Variants in RHOH observed in about 807,000 individuals in gnomAD.
RHOH encodes the protein ras homolog family member H, also known as rho-related GTP-binding protein RhoH.
A neutral mutation model predicts 13.8 loss-of-function variants in RHOH; 6 were observed. The observed-to-expected ratio is 0.44, with a 90% CI of 0.24 to 0.86. RHOH has a LOEUF of 0.86. Among genes scored for constraint, RHOH ranks in the 40% least tolerant of loss-of-function variants. The probability of loss-of-function intolerance (pLI) is 0.24; values close to 1 mark genes in which losing one functional copy is unlikely to be tolerated. For missense variants in RHOH, 147 were observed against 244.5 expected (o/e 0.60, Z 2.66); for synonymous variants, 117 against 103.0 (o/e 1.14, Z -0.82).
chr4:40,238,664 AC>A (rs1232669188), intron 1 of RHOH, among the ~76,000 whole-genome samples: 1 of 151,916 alleles, frequency 6.6e-6, no homozygotes, highest in Non-Finnish European at 1.5e-5. Flanking sequence ...AATTATGGAG[AC>A]CCCGGAGGCT....
chr4:40,230,287 C>T lies in RHOH; in HGVS notation c.-330-12427C>T, dbSNP rs558198142. Reference sequence around the variant, plus strand: ...TTCCTGACCTCAAGTGATCCACCTGCCTTGGCCTCCCAGAGTGTGTGAATA... The same window carrying T: ...TTCCTGACCTCAAGTGATCCACCTGTCTTGGCCTCCCAGAGTGTGTGAATA... On this transcript the variant is annotated intron_variant, in intron 1 of 2. Coordinates refer to ENST00000381799, the MANE Select transcript of RHOH (RefSeq NM_004310.5). Among the ~76,000 whole-genome samples, 695 of 74,214 alleles carry T rather than the reference C, an allele frequency of 9.4e-3. 7 individuals are homozygous for T. The highest frequency in any genetic ancestry group is 0.015 in the Non-Finnish European group (481 of 31,040). The allele number at this position is 74,214 out of a possible 152,430, so 48.7% of individuals were successfully genotyped here.
Position 40,244,151 on chromosome 4 carries a change from C to T in RHOH, c.*189C>T, listed in dbSNP as rs1729601118. The T allele has an allele frequency of 4.1e-6, 2 of 491,104 alleles. No individual in the cohort carries two copies. The highest frequency in any genetic ancestry group is 9.7e-5 in the South Asian group (2 of 20,566). The allele number at this position is 491,104 out of a possible 1,614,324, so 30.4% of individuals were successfully genotyped here. A position where few individuals can be genotyped will look rare whatever the true frequency, so the allele number is the denominator to read the frequency against. ...ACTAACTACACTCTACAAGTGAACT[C>T]CTTGCCCAGGCCAGTTAGAAAATCC... On this transcript the variant is annotated 3_prime_UTR_variant, in exon 3 of 3. Transcript: ENST00000381799.
At position 40,223,358 on chromosome 4, in the gene RHOH, A is replaced by C. The variant is rs146431162; in HGVS notation, c.-330-19356A>C. The stretch of plus-strand genomic sequence containing the variant: ...CTTCATTGTTGTCTTATTTTAAGAA[A>C]TAGCCACAGCCACTCCAACCTGCAG... On this transcript the variant is annotated intron_variant, in intron 1 of 2. Transcript: ENST00000381799. 5.9e-3 allele frequency among the ~76,000 whole-genome samples: 901 copies of C among 152,292 alleles called. 12 individuals carry two copies. The highest frequency in any genetic ancestry group is 0.02 in the African/African-American group (843 of 41,548).
intron 1 of RHOH, among the ~76,000 whole-genome samples, chr4:40,199,175 C>T (rs907168558): frequency 2.6e-5 from 4 of 151,976 alleles, no homozygotes; most frequent in African/African-American, 4.8e-5. Flanking sequence ...AGAGGGTTGT[C>T]GTAGAGATCA....
At chr4:40,200,697 G>C (rs1723856336) in intron 1 of RHOH, 1 of 152,166 alleles carries the variant, frequency 6.6e-6, no homozygotes, top group African/African-American at 2.4e-5. Flanking sequence ...GGGGTGACTG[G>C]GTCCAGGATA....
At chr4:40,206,461 G>C (rs1285124357) in intron 1 of RHOH, among the ~76,000 whole-genome samples, 1 of 152,154 alleles carries the variant, frequency 6.6e-6, no homozygotes, top group Non-Finnish European at 1.5e-5. Context: ...AATATATTTA[G>C]AGTCAAATTT....
chr4:40,194,696 C>A (rs1252683538), upstream of RHOH, among the ~76,000 whole-genome samples: 1 of 152,192 alleles, frequency 6.6e-6, no homozygotes, highest in African/African-American at 2.4e-5. Context: ...TTTTTCATCT[C>A]TGGATAAAAC....
chr4:40,213,800 C>T (rs1051587618), intron 1 of RHOH, among the ~76,000 whole-genome samples: 3 of 152,076 alleles, frequency 2.0e-5, no homozygotes, highest in African/African-American at 7.2e-5. Context: ...CTCTGTCTCC[C>T]AGGCTGGAGT....
At chr4:40,215,033 G>A (rs1725713058) in intron 1 of RHOH, among the ~76,000 whole-genome samples, 1 of 152,144 alleles carries the variant, frequency 6.6e-6, no homozygotes, top group Non-Finnish European at 1.5e-5. Flanking sequence ...ATACTTTCTT[G>A]TTAGTTGAGG....
intron 1 of RHOH, among the ~76,000 whole-genome samples, chr4:40,221,100 T>G (rs1726500585): frequency 6.6e-6 from 1 of 152,208 alleles, no homozygotes; most frequent in African/African-American, 2.4e-5. Context: ...AACTGCTATG[T>G]TCCTAGTACA....
intron 1 of RHOH, among the ~76,000 whole-genome samples, chr4:40,215,802 C>G (rs1036257046): frequency 6.6e-6 from 1 of 152,086 alleles, no homozygotes; most frequent in African/African-American, 2.4e-5. Context: ...TGCCTGTAAT[C>G]CCAGCTACTC....
intron 1 of RHOH, among the ~76,000 whole-genome samples, chr4:40,214,329 C>T (rs1205593133): frequency 6.6e-6 from 1 of 152,182 alleles, no homozygotes; most frequent in Non-Finnish European, 1.5e-5. Context: ...TGGTACATTT[C>T]AATTCACTTT....
At chr4:40,202,157 G>T (rs1339849134) in intron 1 of RHOH, among the ~76,000 whole-genome samples, 2 of 151,592 alleles carry the variant, frequency 1.3e-5, no homozygotes, top group Admixed American at 1.3e-4. Context: ...TTGTTGCCCA[G>T]CCTGGTCTCC....
chr4:40,196,868 G>A, upstream of RHOH: 1 of 152,198 alleles, frequency 6.6e-6, no homozygotes, highest in South Asian at 2.1e-4. Flanking sequence ...CAGCGGTGCG[G>A]CAAAGGCCTT....
intron 1 of RHOH, among the ~76,000 whole-genome samples, chr4:40,236,937 G>A (rs779416817): frequency 1.3e-4 from 20 of 152,130 alleles, no homozygotes; most frequent in African/African-American, 2.7e-4. Flanking sequence ...AGGAATTGTC[G>A]AAACCGTGGA....
chr4:40,197,607 T>C (rs1468364959), intron 1 of RHOH, among the ~76,000 whole-genome samples: 1 of 152,198 alleles, frequency 6.6e-6, no homozygotes, highest in Admixed American at 6.5e-5. Context: ...GTATGGGTAG[T>C]TTAAATACTA....
At chr4:40,224,214 C>T (rs1268824337) in intron 1 of RHOH, among the ~76,000 whole-genome samples, 3 of 152,236 alleles carry the variant, frequency 2.0e-5, no homozygotes, top group Non-Finnish European at 2.9e-5. Flanking sequence ...CTGGGCAATA[C>T]GAACAGGCTG....
At chr4:40,205,675 C>T (rs547275062) in intron 1 of RHOH, 1 of 152,290 alleles carries the variant, frequency 6.6e-6, no homozygotes, top group South Asian at 2.1e-4. Flanking sequence ...TTACCCCAAA[C>T]CCGTCTGTTT....
At chr4:40,197,751 G>A (rs1362070656) in intron 1 of RHOH, among the ~76,000 whole-genome samples, 1 of 152,160 alleles carries the variant, frequency 6.6e-6, no homozygotes, top group Non-Finnish European at 1.5e-5. Flanking sequence ...TCTAGCTTGT[G>A]TTTTTCACCT....
Sources: allele counts gnomAD v4.1 joint callset (sites outside exome capture counted in the v4.1 genomes callset), GRCh38; gene constraint gnomAD v4.1.1; transcripts MANE v1.5; gene names NCBI Gene and HGNC (gene_info 2026-07-23, HGNC 2026-07-21).